OTUD7A: variants seen among roughly 807,000 people sequenced by gnomAD.
OTUD7A encodes the protein OTU domain-containing protein 7A.
In OTUD7A, 12 loss-of-function variants were observed where a neutral mutation model predicts 65.7. The observed-to-expected ratio is 0.18, with a 90% CI of 0.12 to 0.30. The LOEUF (loss-of-function observed/expected upper bound fraction) is 0.30, where lower values mean the gene tolerates loss of function less well. Ranked by LOEUF, OTUD7A falls within the 10% of genes least tolerant of loss-of-function variation. The probability of loss-of-function intolerance (pLI) is 1.00; values close to 1 mark genes in which losing one functional copy is unlikely to be tolerated. For missense variants in OTUD7A, 1,148 were observed against 1,304.8 expected, an observed-to-expected ratio of 0.88 and a Z score of 1.85; for synonymous variants, 641 against 586.3, an observed-to-expected ratio of 1.09 and a Z score of -1.35.
At chr15:31,708,977 T>C (rs1048577256) in intron 1 of OTUD7A, among the ~76,000 whole-genome samples, 1 of 150,736 alleles carries the variant, frequency 6.6e-6, no homozygotes, top group African/African-American at 2.5e-5. Context: ...AGTCGAGGAG[T>C]AGATTACACT....
At chr15:31,691,132 G>T (rs895361632) in intron 1 of OTUD7A, among the ~76,000 whole-genome samples, 1 of 152,150 alleles carries the variant, frequency 6.6e-6, no homozygotes, top group African/African-American at 2.4e-5. Flanking sequence ...TCATGGATTA[G>T]AAGAATTAAT....
chr15:31,860,203 G>A (rs1263510717), intron 1 of OTUD7A, among the ~76,000 whole-genome samples: 1 of 152,124 alleles, frequency 6.6e-6, no homozygotes, highest in Non-Finnish European at 1.5e-5. Context: ...ACACTCTGCT[G>A]TATGACAAGC....
At chr15:31,536,839 G>A (rs1352091711) in intron 5 of OTUD7A, among the ~76,000 whole-genome samples, 6 of 152,174 alleles carry the variant, frequency 3.9e-5, no homozygotes, top group Non-Finnish European at 7.4e-5. Context: ...GACTGGGAAG[G>A]GTGAGTGGTG....
At chr15:31,767,282 G>A (rs1182808352) in intron 1 of OTUD7A, 43 of 837,978 alleles carry the variant, frequency 5.1e-5, no homozygotes, top group South Asian at 1.9e-4. Flanking sequence ...CAACTACCAC[G>A]AAATGAAACA....
chr15:31,780,991 C>T (rs1458889839), intron 1 of OTUD7A, among the ~76,000 whole-genome samples: 3 of 152,182 alleles, frequency 2.0e-5, no homozygotes, highest in South Asian at 2.1e-4. Context: ...GTTTATACAT[C>T]GGCCTCTTGT....
intron 1 of OTUD7A, among the ~76,000 whole-genome samples, chr15:31,720,492 C>T (rs1423053004): frequency 1.3e-4 from 19 of 151,924 alleles, no homozygotes; most frequent in African/African-American, 3.6e-4. Context: ...CTCTGCCCCC[C>T]GGGGTTCACA....
At chr15:31,524,745 C>T (rs1000474360) in intron 8 of OTUD7A, among the ~76,000 whole-genome samples, 2 of 152,154 alleles carry the variant, frequency 1.3e-5, no homozygotes, top group Non-Finnish European at 2.9e-5. Flanking sequence ...ACCAGGCTAT[C>T]CTACATAAAT....
intron 1 of OTUD7A, among the ~76,000 whole-genome samples, chr15:31,663,619 C>T (rs1449908564): frequency 2.0e-5 from 3 of 152,112 alleles, no homozygotes; most frequent in Non-Finnish European, 4.4e-5. Flanking sequence ...TGATCTGTTT[C>T]CTTTTTATGG....
intron 8 of OTUD7A, among the ~76,000 whole-genome samples, chr15:31,505,781 A>G (rs1038126808): frequency 3.4e-5 from 5 of 147,832 alleles, no homozygotes; most frequent in South Asian, 2.1e-4. Flanking sequence ...GTGGAGTCTC[A>G]CTCTGTCGCC....
In OTUD7A at chr15:31,778,318, G is replaced by A. The variant is rs140031894; in HGVS notation, c.-100+92189C>T. Among the ~76,000 whole-genome samples, 12 of 152,264 alleles carry A rather than the reference G, an allele frequency of 7.9e-5. No individual in the cohort carries two copies. The East Asian group carries it at 2.3e-3, about 29-fold the overall frequency. On this transcript the variant is annotated intron_variant, in intron 1 of 12. Coordinates refer to ENST00000307050, the MANE Select transcript of OTUD7A (RefSeq NM_001382637.1). ...GTAAAACCATGGAGAGAGACAACAGGTGAGGAGAAATATACCATGGGGTGC... is the reference window on the plus strand; with the variant it reads ...GTAAAACCATGGAGAGAGACAACAGATGAGGAGAAATATACCATGGGGTGC...
At chr15:31,634,433 C>T (rs1891275852) in intron 3 of OTUD7A, among the ~76,000 whole-genome samples, 1 of 152,216 alleles carries the variant, frequency 6.6e-6, no homozygotes. Context: ...GCACCTGGAC[C>T]TACTCCCTGC....
chr15:31,733,683 T>C (rs148557254), intron 1 of OTUD7A, among the ~76,000 whole-genome samples: 27 of 152,298 alleles, frequency 1.8e-4, no homozygotes, highest in African/African-American at 6.3e-4. Flanking sequence ...AAATATCTGC[T>C]GAATAAATGA....
At chr15:31,749,142 G>T (rs1894559374) in intron 1 of OTUD7A, among the ~76,000 whole-genome samples, 1 of 129,260 alleles carries the variant, frequency 7.7e-6, no homozygotes, top group Non-Finnish European at 1.6e-5. Flanking sequence ...GTTGTGGGGT[G>T]GGGGGAGGGG....
chr15:31,735,595 T>C (rs1179179087), intron 1 of OTUD7A, among the ~76,000 whole-genome samples: 1 of 151,222 alleles, frequency 6.6e-6, no homozygotes, highest in East Asian at 1.9e-4. Flanking sequence ...AAAAGGAACA[T>C]TTATACATTG....
At position 31,788,966 on chromosome 15, in the gene OTUD7A, G is replaced by A. The variant is rs554060660; in HGVS notation, c.-100+81541C>T. Among the ~76,000 whole-genome samples, 5 of 152,278 alleles carry A rather than the reference G, an allele frequency of 3.3e-5. No individual in the cohort carries two copies. In the South Asian group the frequency reaches 1.0e-3, roughly 32 times the overall value. On this transcript the variant is annotated intron_variant, in intron 1 of 12. Transcript: ENST00000307050. ...AAGGCCATAGGATTCCTAAATGCCA[G>A]GACCCAAACCCTAGATTCCATTCTA...
At chr15:31,658,252 T>C (rs1396461927) in intron 1 of OTUD7A, among the ~76,000 whole-genome samples, 6 of 152,180 alleles carry the variant, frequency 3.9e-5, no homozygotes, top group African/African-American at 1.4e-4. Context: ...ATACATTAAT[T>C]ATGAGCCAAT....
chr15:31,796,803 C>T (rs1336665426), intron 1 of OTUD7A, among the ~76,000 whole-genome samples: 1 of 152,228 alleles, frequency 6.6e-6, no homozygotes, highest in African/African-American at 2.4e-5. Flanking sequence ...GGTGCAATCT[C>T]AGCTCACTGC....
intron 3 of OTUD7A, among the ~76,000 whole-genome samples, chr15:31,644,549 C>T (rs530060451): frequency 6.6e-5 from 10 of 152,274 alleles, no homozygotes; most frequent in Non-Finnish European, 1.3e-4. Flanking sequence ...GATCATAGCT[C>T]ACCATAACCT....
At chr15:31,676,837 C>G (rs1404631167) in intron 1 of OTUD7A, among the ~76,000 whole-genome samples, 1 of 152,186 alleles carries the variant, frequency 6.6e-6, no homozygotes, top group African/African-American at 2.4e-5. Flanking sequence ...GCAAGATTCC[C>G]TACATCATAT....
Sources: gnomAD v4.1 joint callset for allele counts (sites outside exome capture counted in the v4.1 genomes callset) on GRCh38, gnomAD v4.1.1 for gene constraint, MANE v1.5 for transcripts, NCBI Gene and HGNC (gene_info 2026-07-23, HGNC 2026-07-21) for gene names.